The following CYP2C8 variants were observed in gnomAD, a reference collection of about 807,000 sequenced individuals.
CYP2C8 encodes cytochrome P450 family 2 subfamily C member 8.
In CYP2C8, 51 loss-of-function variants were observed where a neutral mutation model predicts 41.3. The observed-to-expected ratio is 1.24, with a 90% CI of 0.99 to 1.56. The LOEUF (loss-of-function observed/expected upper bound fraction) is 1.56, where lower values mean the gene tolerates loss of function less well. Among genes scored for constraint, CYP2C8 ranks in the 40% most tolerant of loss-of-function variants. The pLI, the probability that CYP2C8 is intolerant of heterozygous loss-of-function variation, is 0.00. For synonymous variants in CYP2C8, 218 were observed against 205.8 expected, an observed-to-expected ratio of 1.06 and a Z score of -0.51; for missense variants, 651 against 579.9, an observed-to-expected ratio of 1.12 and a Z score of -1.26.
chr10:95,050,799 G>A (rs933188236), intron 5 of CYP2C8, among the ~76,000 whole-genome samples: 14 of 152,100 alleles, frequency 9.2e-5, no homozygotes, highest in Admixed American at 7.2e-4. Flanking sequence ...CACTGCTGGT[G>A]CAGTATTCTA....
chr10:95,060,074 G>C (rs534994470), intron 4 of CYP2C8, among the ~76,000 whole-genome samples: 1 of 152,176 alleles, frequency 6.6e-6, no homozygotes, highest in Non-Finnish European at 1.5e-5. Context: ...AAGTCAGGTA[G>C]CCTGATGCCT....
At chr10:95,043,618 A>AT (rs1564734645) in intron 6 of CYP2C8, among the ~76,000 whole-genome samples, 1 of 151,876 alleles carries the variant, frequency 6.6e-6, no homozygotes. Flanking sequence ...ATTTCTTTCT[A>AT]TTTTTTACTT....
rs1564742061 is a variant in CYP2C8, at chr10:95,064,974, A to C, written c.482-14T>G. On this transcript the variant is annotated splice_polypyrimidine_tract_variant and intron_variant, in intron 3 of 8. Coordinates refer to ENST00000371270, the MANE Select transcript of CYP2C8 (RefSeq NM_000770.3). Reference sequence around the variant, plus strand: ...CACAGGGTGAAGCTAAAGATTTAAAAATTTTTAAAAAAATTATTAAAAAAT... The same window carrying C: ...CACAGGGTGAAGCTAAAGATTTAAACATTTTTAAAAAAATTATTAAAAAAT... 3 of 1,447,574 alleles carry C rather than the reference A, an allele frequency of 2.1e-6. No homozygotes were observed. The highest frequency in any genetic ancestry group is 1.8e-6 in the Non-Finnish European group (2 of 1,097,780). The allele number at this position is 1,447,574 out of a possible 1,614,324, so 89.7% of individuals were successfully genotyped here. A position where few individuals can be genotyped will look rare whatever the true frequency, so the allele number is the denominator to read the frequency against.
chr10:95,069,195 AC>A, intron 1 of CYP2C8, 39 bp downstream of exon 1: 1 of 1,611,420 alleles, frequency 6.2e-7, no homozygotes, highest in Non-Finnish European at 8.5e-7. Flanking sequence ...CAAATAACTT[AC>A]CCTTTGCAAT....
chr10:95,060,003 A>C (rs1241451997), intron 4 of CYP2C8, among the ~76,000 whole-genome samples: 2 of 152,124 alleles, frequency 1.3e-5, no homozygotes, highest in East Asian at 1.9e-4. Context: ...ATTGGTCTAT[A>C]TCTCTGTTTT....
chr10:95,061,318 A>C (rs2033423533), intron 4 of CYP2C8, among the ~76,000 whole-genome samples: 1 of 152,016 alleles, frequency 6.6e-6, no homozygotes, highest in African/African-American at 2.4e-5. Flanking sequence ...TCAATTTCAG[A>C]GCCTGTTATT....
chr10:95,059,970 T>A (rs2033391279), intron 4 of CYP2C8, among the ~76,000 whole-genome samples: 1 of 152,150 alleles, frequency 6.6e-6, no homozygotes, highest in Admixed American at 6.5e-5. Flanking sequence ...GTGGTATTAT[T>A]TCTGAGGGCT....
chr10:95,039,043 A>G lies in CYP2C8; in HGVS notation c.1150-5T>C. On this transcript the variant is annotated splice_polypyrimidine_tract_variant and splice_region_variant and intron_variant, in intron 7 of 8. Coordinates refer to ENST00000371270, the MANE Select transcript of CYP2C8 (RefSeq NM_000770.3). Reference sequence around the variant, plus strand: ...TAATGCCATTATGGTTGTGCCCTGGAAGTAACAAAACAGATAATCTGATTT... The same window carrying G: ...TAATGCCATTATGGTTGTGCCCTGGGAGTAACAAAACAGATAATCTGATTT... 1 of 1,612,620 alleles carries G rather than the reference A, an allele frequency of 6.2e-7. No homozygotes were observed. Among genetic ancestry groups the G allele is most frequent in the Non-Finnish European group, 8.5e-7 (1 of 1,178,642 alleles).
At chr10:95,051,123 A>G (rs571909796) in intron 5 of CYP2C8, among the ~76,000 whole-genome samples, 2 of 152,334 alleles carry the variant, frequency 1.3e-5, no homozygotes, top group South Asian at 4.1e-4. Context: ...TCACAATTCT[A>G]TCAGATAAAC....
At position 95,058,591 on chromosome 10, in the gene CYP2C8, C is replaced by A. The variant is rs141825311; in HGVS notation, c.643-80G>T. 274 of 1,272,146 alleles carry A rather than the reference C, an allele frequency of 2.2e-4. 2 individuals carry two copies. In the African/African-American group the frequency reaches 3.9e-3, roughly 18 times the overall value. 78.8% of individuals were successfully genotyped at this position (1,272,146 alleles called of 1,614,324 possible). A position where few individuals can be genotyped will look rare whatever the true frequency, so the allele number is the denominator to read the frequency against. ...CACCAAGCCCTGATTGAAATTATAA[C>A]TATAAATATGAATAAGACATCATGT... is the stretch of plus-strand genomic sequence containing the variant. On this transcript the variant is annotated intron_variant, in intron 4 of 8. Transcript: ENST00000371270.
Position 95,068,246 on chromosome 10 carries a change from G to A in CYP2C8, c.169-555C>T, listed in dbSNP as rs186662244. Reference sequence around the variant, plus strand: ...CCAGGTGATTCTAATGCCCAGTCCAGTTTGTAACTGCTGGTATTACCAATA... The same window carrying A: ...CCAGGTGATTCTAATGCCCAGTCCAATTTGTAACTGCTGGTATTACCAATA... On this transcript the variant is annotated intron_variant, in intron 1 of 8. Transcript: ENST00000371270. Among the ~76,000 whole-genome samples, 451 of 149,282 alleles carry A rather than the reference G, an allele frequency of 3.0e-3. 2 individuals carry two copies. Among genetic ancestry groups the A allele is most frequent in the African/African-American group, 0.011 (435 of 39,808 alleles).
At chr10:95,064,093 G>A (rs1270579661) in intron 4 of CYP2C8, among the ~76,000 whole-genome samples, 1 of 152,214 alleles carries the variant, frequency 6.6e-6, no homozygotes, top group Admixed American at 6.5e-5. Context: ...CACTTGAGGA[G>A]ACCGTCTGTC....
intron 4 of CYP2C8, among the ~76,000 whole-genome samples, chr10:95,063,169 A>G (rs185587314): frequency 6.6e-6 from 1 of 152,218 alleles, no homozygotes; most frequent in Admixed American, 6.5e-5. Flanking sequence ...GTATTTCCTG[A>G]ATTTGAATGT....
In CYP2C8 at chr10:95,069,206, T is replaced by C. The variant is rs776087343; in HGVS notation, c.168+29A>G. On this transcript the variant is annotated intron_variant, in intron 1 of 8. Transcript: ENST00000371270. ...CAGTCAAATAACTTACCCTTTGCAA[T>C]TGGCTGGAGGAACATAAGGCAGACT... is the stretch of plus-strand genomic sequence containing the variant. 1.4e-5 allele frequency: 22 copies of C among 1,613,250 alleles called. No homozygotes were observed. The Admixed American group carries it at 2.5e-4, about 18-fold the overall frequency.
chr10:95,058,362 G>T lies in CYP2C8; in HGVS notation c.792C>A (p.Ile264=). The change falls in exon 5 of 9, where the codon ATC becomes ATA. Residue 264 remains isoleucine (I), a synonymous_variant. Transcript: ENST00000371270. ...SLDVNNPRDF[I]DCFLIKMEQE... is the part of the protein sequence containing the mutation. Reference sequence around the variant, plus strand: ...GCTCCATTTTGATCAGGAAGCAATCGATAAAGTCCCGAGGATTGTTAACAT... The same window carrying T: ...GCTCCATTTTGATCAGGAAGCAATCTATAAAGTCCCGAGGATTGTTAACAT... The T allele has an allele frequency of 6.2e-7, 1 of 1,613,254 alleles. No homozygotes were observed. The highest frequency in any genetic ancestry group is 8.5e-7 in the Non-Finnish European group (1 of 1,179,534).
chr10:95,061,173 A>C (rs1389222414), intron 4 of CYP2C8, among the ~76,000 whole-genome samples: 1 of 152,102 alleles, frequency 6.6e-6, no homozygotes, highest in Non-Finnish European at 1.5e-5. Flanking sequence ...GTTAGGGAGG[A>C]TTCCCTCTTT....
chr10:95,042,567 A>G (rs1309900916), intron 7 of CYP2C8, among the ~76,000 whole-genome samples: 4 of 152,218 alleles, frequency 2.6e-5, no homozygotes, highest in South Asian at 2.1e-4. Context: ...AAAAAATTCA[A>G]TGCATGAACA....
At chr10:95,061,211 G>A (rs1346725506) in intron 4 of CYP2C8, among the ~76,000 whole-genome samples, 1 of 152,176 alleles carries the variant, frequency 6.6e-6, no homozygotes, top group Admixed American at 6.5e-5. Context: ...ATTTCAGAAG[G>A]AATGGTACCA....
At chr10:95,039,300 C>A in intron 7 of CYP2C8, 2 of 453,444 alleles carry the variant, frequency 4.4e-6, no homozygotes, top group African/African-American at 3.9e-5. Flanking sequence ...TTTGGATGCC[C>A]TTTTCTGGCC....
Sources: gnomAD v4.1 joint callset for allele counts (sites outside exome capture counted in the v4.1 genomes callset) on GRCh38, gnomAD v4.1.1 for gene constraint, MANE v1.5 for transcripts, NCBI Gene and HGNC (gene_info 2026-07-23, HGNC 2026-07-21) for gene names.